The following CLVS1 variants were observed in gnomAD, a reference collection of about 807,000 sequenced individuals.
CLVS1 encodes clavesin 1.
CLVS1 carries 10 observed loss-of-function variants against 33.1 expected under a neutral mutation model. The observed-to-expected ratio is 0.30, with a 90% CI of 0.19 to 0.51. The LOEUF is 0.51. Ranked by LOEUF, CLVS1 falls within the 20% of genes least tolerant of loss-of-function variation. CLVS1 has a pLI of 0.97. For missense variants in CLVS1, 343 were observed against 433.4 expected (o/e 0.79, Z 1.85); for synonymous variants, 163 against 166.1 (o/e 0.98, Z 0.14).
At chr8:61,178,373 G>A (rs565137382) in intron 2 of CLVS1, among the ~76,000 whole-genome samples, 9 of 152,096 alleles carry the variant, frequency 5.9e-5, no homozygotes, top group Non-Finnish European at 1.3e-4. Flanking sequence ...ATGATTGATT[G>A]GAGTAACTGC....
At chr8:61,416,729 A>G (rs1376325887) in intron 3 of CLVS1, among the ~76,000 whole-genome samples, 1 of 152,210 alleles carries the variant, frequency 6.6e-6, no homozygotes, top group African/African-American at 2.4e-5. Context: ...GCAAGAATGG[A>G]AAAGGGGTAA....
intron 1 of CLVS1, among the ~76,000 whole-genome samples, chr8:61,071,866 C>T (rs1363740170): frequency 1.3e-5 from 2 of 152,098 alleles, no homozygotes; most frequent in Non-Finnish European, 2.9e-5. Flanking sequence ...AGAAAGAAAA[C>T]CAGTTTAGAG....
In CLVS1 at chr8:61,466,302, C is replaced by A. The variant is rs571592448; in HGVS notation, c.977+7760C>A. On this transcript the variant is annotated intron_variant, in intron 5 of 5. Coordinates refer to ENST00000325897, the MANE Select transcript of CLVS1 (RefSeq NM_173519.3). ...TGTTATTCTAGGGACTCAGTAATGG[C>A]CACAAGAACCAGGTTCTCTCCACTG... 2.6e-5 allele frequency among the ~76,000 whole-genome samples: 4 copies of A among 152,280 alleles called. No individual in the cohort carries two copies. The East Asian group carries it at 7.7e-4, about 29-fold the overall frequency.
At chr8:61,422,108 T>G (rs1415152708) in intron 3 of CLVS1, among the ~76,000 whole-genome samples, 1 of 151,066 alleles carries the variant, frequency 6.6e-6, no homozygotes, top group African/African-American at 2.4e-5. Flanking sequence ...TTTTTTTTTT[T>G]GAAGAACATT....
intron 1 of CLVS1, among the ~76,000 whole-genome samples, chr8:61,061,336 C>G (rs993090979): frequency 6.6e-6 from 1 of 152,118 alleles, no homozygotes; most frequent in East Asian, 1.9e-4. Flanking sequence ...TCTTGCTGTT[C>G]CAGATCAGAT....
At chr8:60,984,630 TA>T in the CLVS1 span, among the ~76,000 whole-genome samples, 1 of 152,184 alleles carries the variant, frequency 6.6e-6, no homozygotes, top group Non-Finnish European at 1.5e-5. Flanking sequence ...GCCTGGCCCA[TA>T]AAGTCTAGTT....
intron 2 of CLVS1, among the ~76,000 whole-genome samples, chr8:61,304,809 A>C (rs989685394): frequency 6.6e-6 from 1 of 152,186 alleles, no homozygotes; most frequent in African/African-American, 2.4e-5. Flanking sequence ...TCACTCAGTT[A>C]AAAGGAAAAA....
intron 2 of CLVS1, among the ~76,000 whole-genome samples, chr8:61,135,438 T>C (rs1462934454): frequency 6.6e-6 from 1 of 152,174 alleles, no homozygotes; most frequent in Admixed American, 6.5e-5. Context: ...AGCCATGAGA[T>C]TGTGCTGGGA....
chr8:61,265,541 G>A lies in CLVS1; in HGVS notation c.-151-34136G>A, dbSNP rs192215857. Among the ~76,000 whole-genome samples, 573 of 152,304 alleles carry A rather than the reference G, an allele frequency of 3.8e-3. 5 individuals are homozygous for A. Among genetic ancestry groups the A allele is most frequent in the African/African-American group, 0.013 (526 of 41,544 alleles). On this transcript the variant is annotated intron_variant, in intron 2 of 2. Coordinates refer to the CLVS1 transcript ENST00000522621. The stretch of plus-strand genomic sequence containing the variant: ...ACATCGTCAATTCTATGAGAGGCTT[G>A]TTGCTATTGTTATGATTTTCCCACA...
chr8:61,085,106 A>G (rs1162935956), intron 1 of CLVS1, among the ~76,000 whole-genome samples: 2 of 152,244 alleles, frequency 1.3e-5, no homozygotes, highest in African/African-American at 4.8e-5. Context: ...CTGGGAAAAT[A>G]TGAGAAATGA....
intron 2 of CLVS1, among the ~76,000 whole-genome samples, chr8:61,342,454 G>A (rs977537987): frequency 1.3e-5 from 2 of 152,208 alleles, no homozygotes; most frequent in African/African-American, 4.8e-5. Flanking sequence ...AGAAGCGCTT[G>A]TCTGCCTTGC....
At chr8:61,322,449 G>T (rs1811227695) in intron 2 of CLVS1, among the ~76,000 whole-genome samples, 1 of 152,144 alleles carries the variant, frequency 6.6e-6, no homozygotes, top group African/African-American at 2.4e-5. Flanking sequence ...TAAGTAACTG[G>T]AATGTCATCT....
chr8:61,089,801 G>A (rs530755597), intron 1 of CLVS1, among the ~76,000 whole-genome samples: 20 of 152,132 alleles, frequency 1.3e-4, no homozygotes, highest in African/African-American at 4.6e-4. Context: ...TGTACCTGCA[G>A]TCCTAGCTAC....
intron 3 of CLVS1, among the ~76,000 whole-genome samples, chr8:61,406,638 T>C (rs966456563): frequency 1.3e-5 from 2 of 152,030 alleles, no homozygotes; most frequent in Non-Finnish European, 2.9e-5. Context: ...GATGGAGTCT[T>C]GCTCTGTCAC....
chr8:61,154,966 G>T (rs1191073966), intron 2 of CLVS1, among the ~76,000 whole-genome samples: 1 of 152,202 alleles, frequency 6.6e-6, no homozygotes. Context: ...GGCTCAGCAG[G>T]CCCATGTGAG....
chr8:61,195,294 T>C (rs1351833060), intron 2 of CLVS1, among the ~76,000 whole-genome samples: 7 of 151,524 alleles, frequency 4.6e-5, no homozygotes, highest in Admixed American at 3.3e-4. Flanking sequence ...GAGACAGAGA[T>C]TGGGGGAGAG....
In CLVS1 at chr8:61,500,837, A is replaced by G. The variant is rs939408980; in HGVS notation, c.*1295A>G. On this transcript the variant is annotated 3_prime_UTR_variant, in exon 6 of 6. Coordinates refer to ENST00000325897, the MANE Select transcript of CLVS1 (RefSeq NM_173519.3). The stretch of plus-strand genomic sequence containing the variant: ...AATATGATTTTACATTATTTTAAAT[A>G]TTTGGGAGAGTTAATTTGTTAGCTA... The G allele has an allele frequency of 3.3e-5, 5 of 152,216 alleles. No homozygotes were observed. Among genetic ancestry groups the G allele is most frequent in the African/African-American group, 1.2e-4 (5 of 41,446 alleles). The allele number at this position is 152,216 out of a possible 1,614,324, so 9.4% of individuals were successfully genotyped here.
chr8:61,024,686 T>C, the CLVS1 span, among the ~76,000 whole-genome samples: 11 of 152,162 alleles, frequency 7.2e-5, no homozygotes, highest in African/African-American at 2.7e-4. Context: ...TTTAGTATGG[T>C]CTTTTTTTGC....
At chr8:61,171,821 T>A (rs975002578) in intron 2 of CLVS1, among the ~76,000 whole-genome samples, 23 of 152,158 alleles carry the variant, frequency 1.5e-4, no homozygotes, top group Non-Finnish European at 2.1e-4. Context: ...ATGAACGATA[T>A]GGACGAGAAA....
Sources: gnomAD v4.1 joint callset for allele counts (sites outside exome capture counted in the v4.1 genomes callset) on GRCh38, gnomAD v4.1.1 for gene constraint, MANE v1.5 for transcripts, NCBI Gene and HGNC (gene_info 2026-07-23, HGNC 2026-07-21) for gene names.